Variants in AFF2 observed in about 807,000 individuals in gnomAD.
The protein encoded by AFF2 is AF4/FMR2 family member 2.
A neutral mutation model predicts 76.9 loss-of-function variants in AFF2; 14 were observed. The observed-to-expected ratio is 0.18, with a 90% CI of 0.12 to 0.28. The LOEUF (loss-of-function observed/expected upper bound fraction) is 0.28. AFF2 is among the 10% of genes least tolerant of loss of function. AFF2 has a pLI of 1.00. For synonymous variants in AFF2, 398 were observed against 366.7 expected, an observed-to-expected ratio of 1.09 and a Z score of -0.98; for missense variants, 868 against 1,001.1, an observed-to-expected ratio of 0.87 and a Z score of 1.79.
chrX:148,944,231 A>G (rs1344228877), intron 9 of AFF2, among the ~76,000 whole-genome samples: 1 of 111,992 alleles, frequency 8.9e-6, no homozygotes, highest in African/African-American at 3.3e-5. Context: ...TTTGGAACAC[A>G]GTGGAGGAGA....
At chrX:148,595,074 T>C (rs953034198) in intron 1 of AFF2, among the ~76,000 whole-genome samples, 2 of 110,874 alleles carry the variant, frequency 1.8e-5, no homozygotes, top group Non-Finnish European at 3.8e-5. Context: ...GGGAGGAAGG[T>C]AGGAGAGAGG....
chrX:148,988,176 T>C (rs1473267779), intron 20 of AFF2, among the ~76,000 whole-genome samples: 4 of 112,090 alleles, frequency 3.6e-5, no homozygotes, highest in African/African-American at 1.3e-4. Context: ...ATCTGTGACC[T>C]TAGCTGTCAT....
chrX:148,934,362 C>T (rs782702328), intron 9 of AFF2, among the ~76,000 whole-genome samples: 232 of 111,670 alleles, frequency 2.1e-3, no homozygotes, highest in African/African-American at 7.0e-3. Flanking sequence ...GCCTCCATTC[C>T]GCTTTTGACA....
chrX:148,954,569 C>T (rs1297432296), intron 10 of AFF2, among the ~76,000 whole-genome samples: 1 of 112,169 alleles, frequency 8.9e-6, no homozygotes, highest in African/African-American at 3.2e-5. Flanking sequence ...TCATGACAAC[C>T]TTACAGAGTA....
chrX:148,723,727 G>T (rs1211654916), intron 3 of AFF2, among the ~76,000 whole-genome samples: 1 of 110,520 alleles, frequency 9.0e-6, no homozygotes, highest in Non-Finnish European at 1.9e-5. Context: ...TGTTCTGACA[G>T]CTACAGATGG....
At chrX:148,773,750 A>G (rs868913177) in intron 3 of AFF2, among the ~76,000 whole-genome samples, 2 of 99,469 alleles carry the variant, frequency 2.0e-5, no homozygotes, top group Admixed American at 1.1e-4. Context: ...AAGAAAGAGA[A>G]AGAAAGAAGG....
chrX:148,814,027 C>A (rs2070234631), intron 4 of AFF2, among the ~76,000 whole-genome samples: 1 of 112,203 alleles, frequency 8.9e-6, no homozygotes, highest in Non-Finnish European at 1.9e-5. Context: ...TGCATCCCAG[C>A]TTTTACACTT....
chrX:148,603,149 A>G (rs1557248312), intron 1 of AFF2, among the ~76,000 whole-genome samples: 1 of 111,536 alleles, frequency 9.0e-6, no homozygotes, highest in African/African-American at 3.3e-5. Context: ...AGTAAATTCT[A>G]CACTAAACCA....
intron 15 of AFF2, among the ~76,000 whole-genome samples, chrX:148,969,455 C>A (rs1331438352): frequency 8.9e-6 from 1 of 112,225 alleles, no homozygotes; most frequent in Non-Finnish European, 1.9e-5. Flanking sequence ...CCCTCGGACA[C>A]CAAAATCCTC....
chrX:148,759,034 A>T (rs1472548738), intron 3 of AFF2, among the ~76,000 whole-genome samples: 2 of 112,022 alleles, frequency 1.8e-5, no homozygotes, highest in African/African-American at 6.5e-5. Flanking sequence ...CCAGCCTCCC[A>T]AACCGCTGGG....
chrX:148,910,830 C>T (rs2071460302), intron 9 of AFF2, among the ~76,000 whole-genome samples: 1 of 111,465 alleles, frequency 9.0e-6, no homozygotes, highest in Non-Finnish European at 1.9e-5. Flanking sequence ...GTGAATTATC[C>T]ATCAGTCCCC....
chrX:148,930,305 C>A (rs782300711), intron 9 of AFF2, among the ~76,000 whole-genome samples: 2 of 112,044 alleles, frequency 1.8e-5, no homozygotes, highest in Non-Finnish European at 3.8e-5. Context: ...TCTGGAAAAT[C>A]TTTCACACTG....
intron 7 of AFF2, among the ~76,000 whole-genome samples, chrX:148,847,512 A>G (rs1557274872): frequency 8.9e-6 from 1 of 111,948 alleles, no homozygotes; most frequent in Non-Finnish European, 1.9e-5. Flanking sequence ...TTTCCATAAA[A>G]TCTTAATATA....
chrX:148,655,821 G>T (rs1390168868), intron 2 of AFF2, among the ~76,000 whole-genome samples: 1 of 111,083 alleles, frequency 9.0e-6, no homozygotes, highest in Non-Finnish European at 1.9e-5. Flanking sequence ...CATGCCAGTG[G>T]TCATGGGAGT....
At chrX:148,901,182 G>C (rs2071350421) in intron 8 of AFF2, among the ~76,000 whole-genome samples, 2 of 111,671 alleles carry the variant, frequency 1.8e-5, no homozygotes, top group Non-Finnish European at 3.8e-5. Context: ...TGGCAAATCT[G>C]GGACTAGAAC....
intron 3 of AFF2, among the ~76,000 whole-genome samples, chrX:148,738,351 T>A (rs1458172094): frequency 1.8e-5 from 2 of 110,893 alleles, no homozygotes; most frequent in Non-Finnish European, 3.8e-5. Context: ...GCTAGGAGGG[T>A]TGTATTGTTC....
intron 1 of AFF2, among the ~76,000 whole-genome samples, chrX:148,601,321 C>A (rs781836545): frequency 5.3e-4 from 59 of 112,039 alleles, no homozygotes; most frequent in Non-Finnish European, 1.1e-3. Context: ...TGTACCCCAG[C>A]GAGGGCAAAT....
At chrX:148,927,012 A>G (rs2071658385) in intron 9 of AFF2, among the ~76,000 whole-genome samples, 1 of 111,933 alleles carries the variant, frequency 8.9e-6, no homozygotes, top group South Asian at 3.7e-4. Flanking sequence ...CACTTTCTCT[A>G]GTGATTGTGT....
rs782672122 is a variant in AFF2 at position 148,843,246 on chromosome X, C to A, written c.1211-136C>A. 5.1e-5 allele frequency: 27 copies of A among 532,777 alleles called. No homozygotes were observed. The South Asian group carries it at 9.2e-4, about 18-fold the overall frequency. The allele number at this position is 532,777 out of a possible 1,213,427, so 43.9% of individuals were successfully genotyped here. A position where few individuals can be genotyped will look rare whatever the true frequency, so the allele number is the denominator to read the frequency against. On this transcript the variant is annotated intron_variant, in intron 6 of 20. Transcript: ENST00000370460. ...CGTGATATATCTAACTGGTTCCCCC[C>A]CTTTTTTTTTTTTAATCTGTTACTT...
Sources: gnomAD v4.1 joint callset for allele counts (sites outside exome capture counted in the v4.1 genomes callset) on GRCh38, gnomAD v4.1.1 for gene constraint, MANE v1.5 for transcripts, NCBI Gene and HGNC (gene_info 2026-07-23, HGNC 2026-07-21) for gene names.